RABGAP1L: variants seen among roughly 807,000 people sequenced by gnomAD.
RABGAP1L encodes the protein rab GTPase-activating protein 1-like.
Under a neutral mutation model 137.7 loss-of-function variants are expected in RABGAP1L, and 63 were observed. The observed-to-expected ratio is 0.46, with a 90% CI of 0.37 to 0.56. The LOEUF (loss-of-function observed/expected upper bound fraction) is 0.56. Ranked by LOEUF, RABGAP1L falls within the 20% of genes least tolerant of loss-of-function variation. The pLI, the probability that RABGAP1L is intolerant of heterozygous loss-of-function variation, is 0.00. For synonymous variants in RABGAP1L, 431 were observed against 433.7 expected (o/e 0.99, Z 0.08); for missense variants, 1,095 against 1,244.0 (o/e 0.88, Z 1.80).
At chr1:174,563,813 T>C (rs1047450182) in intron 13 of RABGAP1L, among the ~76,000 whole-genome samples, 1 of 152,042 alleles carries the variant, frequency 6.6e-6, no homozygotes, top group Non-Finnish European at 1.5e-5. Flanking sequence ...CAGAAATGAA[T>C]GAATGGGGGG....
chr1:174,699,788 C>A (rs373474558), intron 16 of RABGAP1L, 138 bp downstream of exon 16: 3 of 804,694 alleles, frequency 3.7e-6, no homozygotes, highest in Non-Finnish European at 5.7e-6. Flanking sequence ...TAGTTTCAGA[C>A]CAATATCTAC....
intron 1 of RABGAP1L, among the ~76,000 whole-genome samples, chr1:174,198,553 G>A (rs978067284): frequency 2.6e-5 from 4 of 152,172 alleles, no homozygotes; most frequent in African/African-American, 7.2e-5. Flanking sequence ...GATTGTTGAA[G>A]TTACATGAAA....
At chr1:174,941,700 CAAAA>C (rs1665908346) in intron 19 of RABGAP1L, among the ~76,000 whole-genome samples, 1 of 151,870 alleles carries the variant, frequency 6.6e-6, no homozygotes. Flanking sequence ...CAAAACAAAA[CAAAA>C]CAAAACAAAA....
intron 10 of RABGAP1L, among the ~76,000 whole-genome samples, chr1:174,293,470 G>C (rs1423500192): frequency 6.6e-6 from 1 of 152,160 alleles, no homozygotes; most frequent in Admixed American, 6.5e-5. Flanking sequence ...CTTGTTACAT[G>C]CTAACTCCAC....
At chr1:174,988,084 C>G (rs1289081920) in intron 24 of RABGAP1L, among the ~76,000 whole-genome samples, 1 of 152,230 alleles carries the variant, frequency 6.6e-6, no homozygotes, top group Non-Finnish European at 1.5e-5. Context: ...GCTGGGATTA[C>G]AGGCGTGAGC....
At chr1:174,784,797 C>G (rs1687331491) in intron 18 of RABGAP1L, among the ~76,000 whole-genome samples, 1 of 152,176 alleles carries the variant, frequency 6.6e-6, no homozygotes, top group South Asian at 2.1e-4. Context: ...TAGGCTTTTA[C>G]ATGTTCTACA....
At chr1:174,639,939 A>G (rs540952043) in intron 14 of RABGAP1L, among the ~76,000 whole-genome samples, 1 of 152,314 alleles carries the variant, frequency 6.6e-6, no homozygotes, top group South Asian at 2.1e-4. Context: ...AAACCATTTT[A>G]AAACTCTTTC....
chr1:174,542,260 T>A (rs1350769737), intron 13 of RABGAP1L, among the ~76,000 whole-genome samples: 1 of 152,220 alleles, frequency 6.6e-6, no homozygotes, highest in Non-Finnish European at 1.5e-5. Flanking sequence ...GATTATTGCC[T>A]CAATTTCAGA....
In RABGAP1L at chr1:174,563,980, A is replaced by G. The variant is rs75191505; in HGVS notation, c.1711-73395A>G. Among the ~76,000 whole-genome samples, 696 of 152,198 alleles carry G rather than the reference A, an allele frequency of 4.6e-3. 31 individuals carry two copies. The East Asian group carries it at 0.11, about 24-fold the overall frequency. ...TTTTTCAAAATATTTATTACTTTCA[A>G]TGCCTTCCCTGGGATGGTTACTCCA... On this transcript the variant is annotated intron_variant, in intron 13 of 25. Coordinates refer to ENST00000681986, the MANE Select transcript of RABGAP1L (RefSeq NM_001366446.1).
chr1:174,198,302 G>T (rs936796967), intron 1 of RABGAP1L, among the ~76,000 whole-genome samples: 1 of 152,092 alleles, frequency 6.6e-6, no homozygotes, highest in African/African-American at 2.4e-5. Flanking sequence ...TACAGAGAAA[G>T]GCCTTCAGGA....
At chr1:174,519,584 A>G (rs2147840277) in intron 13 of RABGAP1L, among the ~76,000 whole-genome samples, 1 of 152,302 alleles carries the variant, frequency 6.6e-6, no homozygotes, top group East Asian at 1.9e-4. Context: ...AATACTTTGC[A>G]TCCTTCAATC....
At chr1:174,932,197 C>A (rs1338618488) in intron 19 of RABGAP1L, among the ~76,000 whole-genome samples, 2 of 150,330 alleles carry the variant, frequency 1.3e-5, no homozygotes, top group Non-Finnish European at 3.0e-5. Context: ...GGAAGTGATC[C>A]TTTTCTCTAA....
At chr1:174,887,974 T>G (rs1010927946) in intron 19 of RABGAP1L, among the ~76,000 whole-genome samples, 5 of 151,926 alleles carry the variant, frequency 3.3e-5, no homozygotes, top group Non-Finnish European at 5.9e-5. Flanking sequence ...GAGGCAGAGG[T>G]TGCAGTGAGC....
intron 14 of RABGAP1L, among the ~76,000 whole-genome samples, chr1:174,653,904 T>C (rs1451933142): frequency 6.6e-6 from 1 of 151,892 alleles, no homozygotes; most frequent in Non-Finnish European, 1.5e-5. Context: ...TGAAAATGAG[T>C]ATGTTAGTTC....
chr1:174,386,888 G>T (rs1054897517), intron 12 of RABGAP1L, among the ~76,000 whole-genome samples: 1 of 152,160 alleles, frequency 6.6e-6, no homozygotes, highest in African/African-American at 2.4e-5. Context: ...GGCCCAGGCA[G>T]TACTTGAAGC....
intron 17 of RABGAP1L, among the ~76,000 whole-genome samples, chr1:174,703,450 G>T (rs1417016331): frequency 2.0e-5 from 3 of 152,082 alleles, no homozygotes; most frequent in Non-Finnish European, 4.4e-5. Context: ...ATGCTACATT[G>T]TATGTACATA....
chr1:174,905,386 C>T (rs1235220013), intron 19 of RABGAP1L, among the ~76,000 whole-genome samples: 1 of 152,006 alleles, frequency 6.6e-6, no homozygotes, highest in Non-Finnish European at 1.5e-5. Flanking sequence ...AAGAGCAATT[C>T]AGAAATTTAT....
intron 1 of RABGAP1L, among the ~76,000 whole-genome samples, chr1:174,170,118 C>A: frequency 6.6e-6 from 1 of 152,126 alleles, no homozygotes; most frequent in East Asian, 1.9e-4. Context: ...TTGTGGGAGA[C>A]AGTGTAGATA....
chr1:174,580,607 A>C (rs1668669306), intron 13 of RABGAP1L, among the ~76,000 whole-genome samples: 1 of 152,088 alleles, frequency 6.6e-6, no homozygotes, highest in Non-Finnish European at 1.5e-5. Context: ...AGGAAGGGGA[A>C]CATCACACAC....
Sources: gnomAD v4.1 joint callset for allele counts (sites outside exome capture counted in the v4.1 genomes callset) on GRCh38, gnomAD v4.1.1 for gene constraint, MANE v1.5 for transcripts, NCBI Gene and HGNC (gene_info 2026-07-23, HGNC 2026-07-21) for gene names.